Variants in EPB41L1 observed in about 807,000 individuals in gnomAD.
EPB41L1 encodes erythrocyte membrane protein band 4.1 like 1.
EPB41L1 carries 29 observed loss-of-function variants against 97.8 expected under a neutral mutation model. The ratio of observed to expected loss-of-function variants is 0.30; its 90% CI spans 0.22 to 0.40. The LOEUF (loss-of-function observed/expected upper bound fraction) is 0.40. Among genes scored for constraint, EPB41L1 ranks in the 10% least tolerant of loss-of-function variants. The pLI is 1.00. For synonymous variants in EPB41L1, 383 were observed against 459.2 expected (o/e 0.83, Z 2.12); for missense variants, 812 against 1,162.3 (o/e 0.70, Z 4.38).
At chr20:36,138,595 C>T (rs1370481240) in intron 2 of EPB41L1, among the ~76,000 whole-genome samples, 5 of 152,110 alleles carry the variant, frequency 3.3e-5, no homozygotes, top group African/African-American at 1.2e-4. Flanking sequence ...TTATTGCATG[C>T]TTAATATGTG....
intron 2 of EPB41L1, among the ~76,000 whole-genome samples, chr20:36,175,238 G>C (rs911907234): frequency 6.6e-6 from 1 of 152,212 alleles, no homozygotes; most frequent in South Asian, 2.1e-4. Flanking sequence ...GCTGCTCTGG[G>C]GAGACAGGGC....
intron 2 of EPB41L1, among the ~76,000 whole-genome samples, chr20:36,132,985 T>G (rs906305763): frequency 5.9e-5 from 9 of 152,266 alleles, no homozygotes; most frequent in Non-Finnish European, 1.3e-4. Context: ...TGAATACTCT[T>G]GGGAGGGCCA....
In EPB41L1 at chr20:36,133,758, G is replaced by A. The variant is rs529533823; in HGVS notation, c.-10+21278G>A. Among the ~76,000 whole-genome samples the A allele has an allele frequency of 1.7e-4, 26 of 151,976 alleles. No individual in the cohort carries two copies. In the East Asian group the frequency reaches 4.7e-3, roughly 27 times the overall value. ...TGTGGTCCCAACTACTCAGGAGGCT[G>A]AGGCGGGAGGATCGCTTGAGCCTAG... On this transcript the variant is annotated intron_variant, in intron 2 of 19. Transcript: ENST00000202028.
chr20:36,113,678 A>G (rs1033507639), intron 2 of EPB41L1: 2 of 152,498 alleles, frequency 1.3e-5, no homozygotes, highest in African/African-American at 2.4e-5. Flanking sequence ...GGAACAAGGA[A>G]TCCTCTGTCC....
At chr20:36,183,033 G>A (rs2068808922) in intron 6 of EPB41L1, among the ~76,000 whole-genome samples, 1 of 152,192 alleles carries the variant, frequency 6.6e-6, no homozygotes, top group African/African-American at 2.4e-5. Flanking sequence ...AGATAACATG[G>A]CCTGAAGATT....
intron 1 of EPB41L1, among the ~76,000 whole-genome samples, chr20:36,172,914 A>G (rs551194158): frequency 4.6e-5 from 7 of 152,280 alleles, no homozygotes; most frequent in African/African-American, 1.7e-4. Flanking sequence ...TTGTTTTTCA[A>G]ATATAAAAAT....
chr20:36,178,524 C>T, intron 4 of EPB41L1, 106 bp from the exon 5 acceptor site: 1 of 1,157,076 alleles, frequency 8.6e-7, no homozygotes, highest in Non-Finnish European at 1.3e-6. Flanking sequence ...GAAGGGCGTT[C>T]CCTACAAGGG....
intron 1 of EPB41L1, among the ~76,000 whole-genome samples, chr20:36,169,466 T>C (rs888817484): frequency 6.6e-6 from 1 of 150,448 alleles, no homozygotes; most frequent in Non-Finnish European, 1.5e-5. Flanking sequence ...TTGGGATCTC[T>C]GTCCTTCTCC....
chr20:36,117,162 G>A (rs1232617937), intron 2 of EPB41L1, among the ~76,000 whole-genome samples: 1 of 152,076 alleles, frequency 6.6e-6, no homozygotes, highest in Non-Finnish European at 1.5e-5. Context: ...GCTCTGAAAT[G>A]CTGACTCTGG....
At chr20:36,099,805 CT>C (rs1378680665) in intron 1 of EPB41L1, among the ~76,000 whole-genome samples, 1 of 152,206 alleles carries the variant, frequency 6.6e-6, no homozygotes, top group Non-Finnish European at 1.5e-5. Context: ...CTGAACAGTG[CT>C]TTTTCCCTAG....
intron 14 of EPB41L1, 48 bp downstream of exon 14, chr20:36,198,089 A>G: frequency 1.9e-6 from 3 of 1,550,512 alleles, no homozygotes; most frequent in Non-Finnish European, 2.7e-6. Context: ...GTAAAGAGAC[A>G]TTGGGTTGCT....
intron 14 of EPB41L1, chr20:36,201,068 G>T (rs1185334534): frequency 2.3e-6 from 1 of 428,396 alleles, no homozygotes; most frequent in Non-Finnish European, 4.7e-6. Flanking sequence ...TGGGGTGAGG[G>T]GAATGTACCA....
Position 36,197,976 on chromosome 20 carries a change from G to A in EPB41L1, c.1603G>A (p.Glu535Lys), listed in dbSNP as rs143956221. 1.2e-6 allele frequency: 2 copies of A among 1,614,132 alleles called. No individual in the cohort carries two copies. Among genetic ancestry groups the A allele is most frequent in the Non-Finnish European group, 1.7e-6 (2 of 1,180,032 alleles). Reference sequence around the variant, plus strand: ...CCACCGGGATCGAGACTGGGAACGGGAGCGCAGGCTGCCCTCCTCCCCCGC... The same window carrying A: ...CCACCGGGATCGAGACTGGGAACGGAAGCGCAGGCTGCCCTCCTCCCCCGC... ...LIHRDRDWER[E>K]RRLPSSPASP... The change falls in exon 14 of 22, where the codon GAG (glutamate) becomes AAG (lysine). Residue 535 changes from glutamate (E) to lysine (K), a missense_variant. Glu to Lys is a moderately conservative substitution (Grantham distance 56). Transcript: ENST00000338074.
intron 17 of EPB41L1, among the ~76,000 whole-genome samples, chr20:36,217,207 T>C (rs2063499033): frequency 6.6e-6 from 1 of 152,178 alleles, no homozygotes; most frequent in Non-Finnish European, 1.5e-5. Flanking sequence ...CTGTGGAACA[T>C]TTCCAGGGCA....
intron 9 of EPB41L1, among the ~76,000 whole-genome samples, chr20:36,189,304 A>T (rs1020764988): frequency 3.3e-5 from 5 of 152,192 alleles, no homozygotes; most frequent in Admixed American, 3.3e-4. Flanking sequence ...AAATCAGATC[A>T]TGGCAAGCCC....
chr20:36,219,181 C>T (rs1258491565), intron 18 of EPB41L1, among the ~76,000 whole-genome samples: 1 of 152,188 alleles, frequency 6.6e-6, no homozygotes, highest in Admixed American at 6.5e-5. Context: ...GTAAGTGGGG[C>T]ATTGGTGACA....
At chr20:36,178,873 A>G (rs2061361007) in intron 5 of EPB41L1, among the ~76,000 whole-genome samples, 1 of 151,940 alleles carries the variant, frequency 6.6e-6, no homozygotes, top group Admixed American at 6.6e-5. Context: ...CCTGGCCAAC[A>G]TGGGAAAAGC....
chr20:36,209,449 A>G lies in EPB41L1; in HGVS notation c.1669-39A>G. On this transcript the variant is annotated intron_variant, in intron 14 of 21. Coordinates refer to ENST00000338074, the MANE Select transcript of EPB41L1 (RefSeq NM_012156.2). The surrounding 1 kb of genome is among the most constrained non-coding windows in gnomAD (Gnocchi z 4.2). Reference sequence around the variant, plus strand: ...GATTTCTCTTTCTCTCTCTCTCCCCACCCCACATCCCCATTCTTTTGATTT... The same window carrying G: ...GATTTCTCTTTCTCTCTCTCTCCCCGCCCCACATCCCCATTCTTTTGATTT... The G allele has an allele frequency of 6.3e-7, 1 of 1,596,652 alleles. No individual in the cohort carries two copies. Among genetic ancestry groups the G allele is most frequent in the Non-Finnish European group, 8.6e-7 (1 of 1,169,022 alleles).
At chr20:36,098,964 T>C (rs2057921453) in intron 1 of EPB41L1, among the ~76,000 whole-genome samples, 1 of 152,076 alleles carries the variant, frequency 6.6e-6, no homozygotes, top group Admixed American at 6.6e-5. Flanking sequence ...AGGTCAGGAG[T>C]TTGAGACCAG....
Sources: gnomAD v4.1 joint callset for allele counts (sites outside exome capture counted in the v4.1 genomes callset) on GRCh38, gnomAD v4.1.1 for gene constraint, Gnocchi (gnomAD v3.1) non-coding constraint, MANE v1.5 for transcripts, NCBI Gene and HGNC (gene_info 2026-07-23, HGNC 2026-07-21) for gene names.